NIM1K: variants seen among roughly 807,000 people sequenced by gnomAD.
The protein encoded by NIM1K is NIM1 serine/threonine protein kinase.
Under a neutral mutation model 37.1 loss-of-function variants are expected in NIM1K, and 35 were observed. The ratio of observed to expected loss-of-function variants is 0.94; its 90% confidence interval spans 0.72 to 1.25. The LOEUF is 1.25. Ranked by LOEUF, NIM1K falls within the 50% of genes most tolerant of loss-of-function variation. The pLI is 0.00. For synonymous variants in NIM1K, 234 were observed against 206.6 expected (o/e 1.13, Z -1.14); for missense variants, 564 against 548.0 (o/e 1.03, Z -0.29).
intron 1 of NIM1K, among the ~76,000 whole-genome samples, chr5:43,230,354 G>T (rs1337919160): frequency 6.6e-6 from 1 of 151,968 alleles, no homozygotes; most frequent in East Asian, 1.9e-4. Context: ...CTAGCAGGAA[G>T]ATGGGAAGAA....
chr5:43,236,070 T>C (rs559395008), intron 1 of NIM1K, among the ~76,000 whole-genome samples: 1 of 150,982 alleles, frequency 6.6e-6, no homozygotes, highest in South Asian at 2.1e-4. Flanking sequence ...AGACCGGGAG[T>C]TGCAGATCAG....
At chr5:43,271,153 C>A (rs1161526276) in intron 2 of NIM1K, among the ~76,000 whole-genome samples, 1 of 151,420 alleles carries the variant, frequency 6.6e-6, no homozygotes, top group Non-Finnish European at 1.5e-5. Flanking sequence ...TGTGAAATAC[C>A]TTTTTATAGG....
At chr5:43,217,232 T>C (rs930588143) in intron 1 of NIM1K, among the ~76,000 whole-genome samples, 3 of 152,236 alleles carry the variant, frequency 2.0e-5, no homozygotes, top group African/African-American at 7.2e-5. Flanking sequence ...AATGTGGTCC[T>C]TTGTGACTGG....
chr5:43,267,307 C>T (rs1402793100), intron 2 of NIM1K, among the ~76,000 whole-genome samples: 1 of 152,122 alleles, frequency 6.6e-6, no homozygotes, highest in Non-Finnish European at 1.5e-5. Flanking sequence ...GTTGTAGTGT[C>T]TCTATTTTCA....
intron 2 of NIM1K, among the ~76,000 whole-genome samples, chr5:43,276,424 C>G (rs1041422948): frequency 2.0e-5 from 3 of 152,228 alleles, no homozygotes; most frequent in Admixed American, 6.5e-5. Flanking sequence ...CGAGAGCTCA[C>G]TTATCACTAA....
intron 2 of NIM1K, among the ~76,000 whole-genome samples, chr5:43,266,082 G>A (rs908329486): frequency 4.6e-5 from 7 of 152,226 alleles, no homozygotes; most frequent in Non-Finnish European, 1.0e-4. Flanking sequence ...ACCCACTTGA[G>A]GAGGAAGTCT....
At chr5:43,213,626 TGG>T (rs1752253270) in intron 1 of NIM1K, among the ~76,000 whole-genome samples, 1 of 152,210 alleles carries the variant, frequency 6.6e-6, no homozygotes, top group Non-Finnish European at 1.5e-5. Flanking sequence ...CCAGAGTAGC[TGG>T]GATTACAGGT....
Position 43,249,276 on chromosome 5 carries a change from A to T in NIM1K, c.292+3209A>T, listed in dbSNP as rs556463486. 2.7e-4 allele frequency among the ~76,000 whole-genome samples: 41 copies of T among 151,900 alleles called. No individual in the cohort carries two copies. In the Middle Eastern group the frequency reaches 0.01, roughly 38 times the overall value. On this transcript the variant is annotated intron_variant, in intron 2 of 3. Transcript: ENST00000326035. ...AGTAGAGACGGGGTTTCACCATGTT[A>T]GCTGGGATGGTCTCGATTTCCTGAC...
At chr5:43,254,852 C>A (rs1195892768) in intron 2 of NIM1K, among the ~76,000 whole-genome samples, 3 of 152,212 alleles carry the variant, frequency 2.0e-5, no homozygotes, top group African/African-American at 4.8e-5. Flanking sequence ...GACAGCTATG[C>A]ACCACTGCAC....
chr5:43,254,809 T>C (rs1752916465), intron 2 of NIM1K, among the ~76,000 whole-genome samples: 1 of 152,158 alleles, frequency 6.6e-6, no homozygotes, highest in Non-Finnish European at 1.5e-5. Context: ...GCTCAAGCAA[T>C]CCTCCTGCCT....
intron 1 of NIM1K, among the ~76,000 whole-genome samples, chr5:43,194,277 A>C (rs998606686): frequency 6.6e-6 from 1 of 152,208 alleles, no homozygotes; most frequent in African/African-American, 2.4e-5. Flanking sequence ...GCGAGAGGCT[A>C]GTGGGGAAAA....
At chr5:43,232,015 G>A in intron 1 of NIM1K, 1 of 1,035,686 alleles carries the variant, frequency 9.7e-7, no homozygotes, top group South Asian at 1.2e-5. Context: ...CCAGGCCTCA[G>A]CAATGGCTGT....
chr5:43,198,195 C>G (rs1199282290), intron 1 of NIM1K, among the ~76,000 whole-genome samples: 1 of 53,498 alleles, frequency 1.9e-5, no homozygotes, highest in Non-Finnish European at 3.8e-5. Context: ...TTCTTTCTTT[C>G]TTTCTTTCTT....
intron 1 of NIM1K, among the ~76,000 whole-genome samples, chr5:43,217,780 T>C (rs1752323239): frequency 6.8e-6 from 1 of 147,650 alleles, no homozygotes; most frequent in Admixed American, 6.9e-5. Context: ...AGTGGCACTA[T>C]CTTGGCTCAC....
intron 1 of NIM1K, among the ~76,000 whole-genome samples, chr5:43,228,415 GGATTACAGGCCT>G (rs987755097): frequency 5.9e-5 from 9 of 151,948 alleles, no homozygotes; most frequent in African/African-American, 2.2e-4. Flanking sequence ...CAAAGTCTTG[GGATTACAGGCCT>G]GAGCCACCGC....
At chr5:43,232,639 G>C in intron 1 of NIM1K, 1 of 1,553,266 alleles carries the variant, frequency 6.4e-7, no homozygotes, top group Non-Finnish European at 8.7e-7. Context: ...TACAGCTGTG[G>C]AAACCTGGGG....
At chr5:43,201,864 C>T (rs1752025008) in intron 1 of NIM1K, among the ~76,000 whole-genome samples, 2 of 150,988 alleles carry the variant, frequency 1.3e-5, no homozygotes, top group Admixed American at 1.3e-4. Flanking sequence ...GAGGCTGAGG[C>T]AGGAGAATCA....
intron 1 of NIM1K, among the ~76,000 whole-genome samples, chr5:43,215,511 G>T (rs1752286074): frequency 6.6e-6 from 1 of 152,132 alleles, no homozygotes; most frequent in Admixed American, 6.5e-5. Flanking sequence ...CTCGGCTCAC[G>T]CAGTCCCCGC....
chr5:43,241,503 C>T lies in NIM1K; in HGVS notation c.-694-3579C>T, dbSNP rs113187270. ...TACAGGTGTGCACCACCACGCCCAG[C>T]TAATATTTTGTATTTTCAGTAGAGA... On this transcript the variant is annotated intron_variant, in intron 1 of 3. Coordinates refer to ENST00000326035, the MANE Select transcript of NIM1K (RefSeq NM_153361.4). Among the ~76,000 whole-genome samples, 19 of 151,712 alleles carry T rather than the reference C, an allele frequency of 1.3e-4. 1 individual carries two copies. The highest frequency in any genetic ancestry group is 4.6e-4 in the African/African-American group (19 of 41,190).
Sources: gnomAD v4.1 joint callset for allele counts (sites outside exome capture counted in the v4.1 genomes callset) on GRCh38, gnomAD v4.1.1 for gene constraint, MANE v1.5 for transcripts, NCBI Gene and HGNC (gene_info 2026-07-23, HGNC 2026-07-21) for gene names.